The following COL20A1 variants were observed in gnomAD, a reference collection of about 807,000 sequenced individuals.
The protein encoded by COL20A1 is collagen alpha-1(XX) chain.
COL20A1 carries 164 observed loss-of-function variants against 152.9 expected under a neutral mutation model. The ratio of observed to expected loss-of-function variants is 1.07; its 90% CI spans 0.94 to 1.22. The LOEUF (loss-of-function observed/expected upper bound fraction) is 1.22. Ranked by LOEUF, COL20A1 falls within the 50% of genes most tolerant of loss-of-function variation. The probability of loss-of-function intolerance (pLI) is 0.00; values close to 1 mark genes in which losing one functional copy is unlikely to be tolerated. For synonymous variants in COL20A1, 864 were observed against 756.0 expected (o/e 1.14, Z -2.34); for missense variants, 1,873 against 1,744.8 (o/e 1.07, Z -1.31).
rs535358603 is a variant in COL20A1 at position 63,332,417 on chromosome 20, C to T, written c.*1701C>T. On this transcript the variant is annotated 3_prime_UTR_variant, in exon 36 of 36. Transcript: ENST00000358894. ...TTGGTTTCTCCAGGGCGGGGAATTACATGTCCCCAGCTGAACTGAGAAGGC... is the reference window on the plus strand; with the variant it reads ...TTGGTTTCTCCAGGGCGGGGAATTATATGTCCCCAGCTGAACTGAGAAGGC... 1 of 152,396 alleles carries T rather than the reference C, an allele frequency of 6.6e-6. No individual in the cohort carries two copies. Among genetic ancestry groups the T allele is most frequent in the East Asian group, 1.9e-4 (1 of 5,192 alleles). The allele number at this position is 152,396 out of a possible 1,614,324, so 9.4% of individuals were successfully genotyped here.
At chr20:63,320,914 C>T in intron 25 of COL20A1, 99 bp from the exon 26 acceptor site, 1 of 914,714 alleles carries the variant, frequency 1.1e-6, no homozygotes, top group African/African-American at 1.7e-5. Flanking sequence ...GTCTGGAAGT[C>T]TCCCTGGAGC....
chr20:63,329,093 G>A (rs1407970864), intron 34 of COL20A1: 4 of 173,556 alleles, frequency 2.3e-5, no homozygotes, highest in South Asian at 2.7e-4. Context: ...CACTGGCCGG[G>A]GCAGCAGCGG....
At chr20:63,315,933 G>T (rs964690158) in intron 20 of COL20A1, among the ~76,000 whole-genome samples, 5 of 152,230 alleles carry the variant, frequency 3.3e-5, no homozygotes, top group Non-Finnish European at 2.9e-5. Context: ...AGTGTGAATG[G>T]GATTTCGCCC....
intron 27 of COL20A1, 73 bp downstream of exon 27, chr20:63,322,184 C>T (rs1195960890): frequency 8.1e-7 from 1 of 1,237,512 alleles, no homozygotes; most frequent in Non-Finnish European, 1.1e-6. Flanking sequence ...CCTCCCAGTG[C>T]ATTCCTGAGA....
In COL20A1 at chr20:63,307,608, C is replaced by T; in HGVS notation, c.615C>T (p.Val205=). ...FQQVKDFLAS[V]IAPFEIGPDK... ...AGGTCAAGGACTTCCTGGCCAGTGT[C>T]ATCGCACCCTTTGAAATCGGGCCGG... The change falls in exon 6 of 36, where the codon GTC becomes GTT. Residue 205 remains valine (V), a synonymous_variant. Coordinates refer to ENST00000358894, the MANE Select transcript of COL20A1 (RefSeq NM_020882.4). 1.9e-6 allele frequency: 3 copies of T among 1,612,620 alleles called. No homozygotes were observed. Among genetic ancestry groups the T allele is most frequent in the Non-Finnish European group, 2.5e-6 (3 of 1,179,734 alleles).
chr20:63,320,181 G>C lies in COL20A1; in HGVS notation c.3059G>C (p.Arg1020Pro), dbSNP rs200857441. The C allele has an allele frequency of 6.4e-7, 1 of 1,570,778 alleles. No homozygotes were observed. Among genetic ancestry groups the C allele is most frequent in the Admixed American group, 1.8e-5 (1 of 55,452 alleles). ...LGRLAKARGP[R>P]SSSAAFQLQM... ...AGGCTGGCCAAGGCCAGGGGCCCCCGGAGCAGTTCGGCCGCGGTGAGTTGG... is the reference window on the plus strand; with the variant it reads ...AGGCTGGCCAAGGCCAGGGGCCCCCCGAGCAGTTCGGCCGCGGTGAGTTGG... The change falls in exon 24 of 36, where the codon CGG (arginine) becomes CCG (proline). Residue 1020 changes from arginine (R) to proline (P), a missense_variant. Transcript: ENST00000358894.
chr20:63,307,129 C>T (rs2067935683), intron 5 of COL20A1, among the ~76,000 whole-genome samples: 2 of 152,234 alleles, frequency 1.3e-5, no homozygotes, highest in Admixed American at 6.5e-5. Context: ...CTCCACAGCG[C>T]CGCGCTGCGG....
chr20:63,301,419 C>G (rs2067861879), intron 3 of COL20A1, among the ~76,000 whole-genome samples: 1 of 152,184 alleles, frequency 6.6e-6, no homozygotes, highest in African/African-American at 2.4e-5. Context: ...GTAGAGTTTT[C>G]TAATGTTCTA....
At chr20:63,316,748 T>G (rs2068090201) in intron 21 of COL20A1, 57 bp downstream of exon 21, 6 of 1,439,780 alleles carry the variant, frequency 4.2e-6, no homozygotes, top group Non-Finnish European at 5.5e-6. Context: ...CGCTGAAGAT[T>G]AGGAGGACAT....
rs2067940581 is a variant in COL20A1 at position 63,307,475 on chromosome 20, C to T, written c.497-15C>T. On this transcript the variant is annotated splice_polypyrimidine_tract_variant and intron_variant, in intron 5 of 35. Transcript: ENST00000358894. The stretch of plus-strand genomic sequence containing the variant: ...TGGGCCTCACCTAGCACCTGACCCG[C>T]TCCCACCGCCCCAGCCGGCCCCCAG... The T allele has an allele frequency of 3.7e-6, 6 of 1,607,454 alleles. No homozygotes were observed. The highest frequency in any genetic ancestry group is 5.1e-6 in the Non-Finnish European group (6 of 1,177,844).
Position 63,305,466 on chromosome 20 carries a change from A to G in COL20A1, c.243A>G (p.Thr81=). ...VILTTKTPKA[T]VGGLSPSKGY... The stretch of plus-strand genomic sequence containing the variant: ...TGACCACCAAGACCCCTAAGGCCAC[A>G]GTGGGGGGCCTGAGCCCCTCCAAGG... The change falls in exon 4 of 36, where the codon ACA becomes ACG. Residue 81 remains threonine, a synonymous_variant. Transcript: ENST00000358894. The surrounding 1 kb of genome is among the most constrained non-coding windows in gnomAD (Gnocchi z 4.9). The G allele has an allele frequency of 6.2e-7, 1 of 1,602,042 alleles. No homozygotes were observed. Among genetic ancestry groups the G allele is most frequent in the Non-Finnish European group, 8.5e-7 (1 of 1,175,326 alleles).
rs760071443 is a variant in COL20A1 at position 63,309,893 on chromosome 20, C to T, written c.1241C>T (p.Ser414Phe). ...PLKYLIVWRA[S>F]RGGTPREVVV... ...AAGTATCTGATCGTTTGGCGAGCCT[C>T]TAGAGGTGGCACCCCCAGGGAGGTG... Residue 414 changes from serine (S) to phenylalanine (F), a missense_variant, in exon 10 of 36, where the codon TCT becomes TTT. Transcript: ENST00000358894. 5.6e-6 allele frequency: 9 copies of T among 1,606,268 alleles called. No homozygotes were observed. The highest frequency in any genetic ancestry group is 7.6e-6 in the Non-Finnish European group (9 of 1,176,948).
rs1265151623 is a variant in COL20A1, at chr20:63,321,022, G to C, written c.3163G>C (p.Glu1055Gln). ...CCELPASRDG[E>Q]TCPAFVSACS... ...GTCTCTCTTCTTCCAGAGGGATGGA[G>C]AGACCTGCCCCGCCTTCGTGTCTGC... Residue 1055 changes from glutamate (E) to glutamine (Q), a missense_variant, in exon 26 of 36, where the codon GAG becomes CAG. Glu to Gln is a conservative substitution (Grantham distance 29). Transcript: ENST00000358894. 1 of 1,579,684 alleles carries C rather than the reference G, an allele frequency of 6.3e-7. No homozygotes were observed. The highest frequency in any genetic ancestry group is 1.3e-5 in the African/African-American group (1 of 74,090).
At position 63,295,117 on chromosome 20, in the gene COL20A1, G is replaced by A. The variant is rs868604295; in HGVS notation, c.10G>A (p.Gly4Arg). 29 of 1,551,386 alleles carry A rather than the reference G, an allele frequency of 1.9e-5. No individual in the cohort carries two copies. Among genetic ancestry groups the A allele is most frequent in the South Asian group, 7.1e-5 (6 of 84,076 alleles). Residue 4 changes from glycine to arginine, a missense_variant, in exon 2 of 36, where the codon GGA (glycine) becomes AGA (arginine). Coordinates refer to ENST00000358894, the MANE Select transcript of COL20A1 (RefSeq NM_020882.4). The part of the protein sequence containing the change: MSS[G>R]DPAHLGLCLW... ...CCACAGCCCGAGCACCATGAGCTCC[G>A]GAGACCCTGCACACCTCGGCCTCTG...
Position 63,313,321 on chromosome 20 carries a change from C to T in COL20A1, c.2209+72C>T, listed in dbSNP as rs1307362586. The T allele has an allele frequency of 1.3e-6, 2 of 1,495,934 alleles. No homozygotes were observed. The highest frequency in any genetic ancestry group is 4.6e-5 in the East Asian group (2 of 43,192). 92.7% of individuals were successfully genotyped at this position (1,495,934 alleles called of 1,614,324 possible). ...GCCCAGGGGATCCCTGACTCACCCG[C>T]TGCACAGGCCCAGGACCCTAGACTC... On this transcript the variant is annotated intron_variant, in intron 17 of 35. Coordinates refer to ENST00000358894, the MANE Select transcript of COL20A1 (RefSeq NM_020882.4). The surrounding 1 kb of genome is among the most constrained non-coding windows in gnomAD (Gnocchi z 5.9).
At position 63,333,275 on chromosome 20, in the gene COL20A1, C is replaced by T; in HGVS notation, c.*2559C>T. On this transcript the variant is annotated 3_prime_UTR_variant, in exon 36 of 36. Transcript: ENST00000358894. ...AGCTCATGGCCTTAGGTGCTGCCCC[C>T]AGTCACCCCCGTGCCCATGCAGCCG... The T allele has an allele frequency of 6.6e-6, 1 of 152,644 alleles. No individual in the cohort carries two copies. The highest frequency in any genetic ancestry group is 1.5e-5 in the Non-Finnish European group (1 of 68,284). 9.5% of individuals were successfully genotyped at this position (152,644 alleles called of 1,614,324 possible).
At position 63,313,536 on chromosome 20, in the gene COL20A1, G is replaced by A. The variant is rs935545375; in HGVS notation, c.2210-207G>A. Among the ~76,000 whole-genome samples the A allele has an allele frequency of 3.9e-5, 6 of 152,100 alleles. No homozygotes were observed. The highest frequency in any genetic ancestry group is 1.2e-4 in the African/African-American group (5 of 41,424). Reference sequence around the variant, plus strand: ...TGAGGGCCCTGGCAGGTGGCGTGGTGTGGGTGTGGTGGGGTGCGGTGTGGG... The same window carrying A: ...TGAGGGCCCTGGCAGGTGGCGTGGTATGGGTGTGGTGGGGTGCGGTGTGGG... On this transcript the variant is annotated intron_variant, in intron 17 of 35. Coordinates refer to ENST00000358894, the MANE Select transcript of COL20A1 (RefSeq NM_020882.4). The surrounding 1 kb of genome is among the most constrained non-coding windows in gnomAD (Gnocchi z 5.9).
At position 63,319,879 on chromosome 20, in the gene COL20A1, G is replaced by A. The variant is rs930287654; in HGVS notation, c.2917-160G>A. 6.6e-6 allele frequency among the ~76,000 whole-genome samples: 1 copy of A among 152,156 alleles called. No individual in the cohort carries two copies. Among genetic ancestry groups the A allele is most frequent in the Admixed American group, 6.5e-5 (1 of 15,294 alleles). On this transcript the variant is annotated intron_variant, in intron 23 of 35. Coordinates refer to ENST00000358894, the MANE Select transcript of COL20A1 (RefSeq NM_020882.4). This position sits in a 1 kb window ranked among gnomAD's most constrained non-coding sequence, Gnocchi z 4.4. ...GAGGGGAAGCCGAGGCCCAGCAAGG[G>A]GGGGTTCTCCCAGGGTCCCCCGAAA...
intron 2 of COL20A1, among the ~76,000 whole-genome samples, chr20:63,297,051 C>T (rs77877610): frequency 0.038 from 5,818 of 152,308 alleles, 166 homozygotes; most frequent in Non-Finnish European, 0.055. Context: ...TCCCCCATCG[C>T]GGGAGGCAGC....
Sources: allele counts gnomAD v4.1 joint callset (sites outside exome capture counted in the v4.1 genomes callset), GRCh38; gene constraint gnomAD v4.1.1; non-coding constraint Gnocchi (gnomAD v3.1); transcripts MANE v1.5; gene names NCBI Gene and HGNC (gene_info 2026-07-23, HGNC 2026-07-21).